The following LEMD1 variants were observed in gnomAD, a reference collection of about 807,000 sequenced individuals.
LEMD1 encodes LEM domain-containing protein 1.
Under a neutral mutation model 17.4 loss-of-function variants are expected in LEMD1, and 18 were observed. The ratio of observed to expected loss-of-function variants is 1.04; its 90% CI spans 0.72 to 1.54. The LOEUF (loss-of-function observed/expected upper bound fraction) is 1.54. LEMD1 is among the 40% of genes most tolerant of loss of function. LEMD1 has a pLI of 0.00. For missense variants in LEMD1, 195 were observed against 210.4 expected (o/e 0.93, Z 0.45); for synonymous variants, 88 against 77.8 (o/e 1.13, Z -0.69).
chr1:205,440,080 A>C (rs1666268126), intron 1 of LEMD1, among the ~76,000 whole-genome samples: 2 of 152,114 alleles, frequency 1.3e-5, no homozygotes, highest in South Asian at 4.1e-4. Context: ...AGGAGAGAAG[A>C]AAAAGGCAGG....
chr1:205,384,267 T>C, intron 5 of LEMD1, 21 bp downstream of exon 5: 1 of 1,388,064 alleles, frequency 7.2e-7, no homozygotes, highest in Non-Finnish European at 9.6e-7. Flanking sequence ...AATTTCCACA[T>C]ATGCTAAAAA....
intron 4 of LEMD1, among the ~76,000 whole-genome samples, chr1:205,391,867 G>A (rs1270663473): frequency 2.0e-5 from 3 of 152,098 alleles, no homozygotes; most frequent in Non-Finnish European, 2.9e-5. Context: ...CAGCACTTTG[G>A]GAGGCCAAGG....
At chr1:205,444,744 G>C (rs891717478) in intron 1 of LEMD1, among the ~76,000 whole-genome samples, 1 of 152,092 alleles carries the variant, frequency 6.6e-6, no homozygotes, top group Non-Finnish European at 1.5e-5. Flanking sequence ...TGGAAGGCTA[G>C]GAAGCTATTT....
chr1:205,395,924 A>G (rs370664187), intron 4 of LEMD1, among the ~76,000 whole-genome samples: 5 of 152,368 alleles, frequency 3.3e-5, no homozygotes, highest in African/African-American at 1.2e-4. Flanking sequence ...AAAAATTGCA[A>G]TAATAAAATA....
upstream of LEMD1, among the ~76,000 whole-genome samples, chr1:205,424,416 T>C (rs1027207099): frequency 3.3e-5 from 5 of 152,222 alleles, no homozygotes; most frequent in African/African-American, 1.2e-4. Flanking sequence ...CTGATCAATT[T>C]CTTTCAAAAA....
chr1:205,408,652 C>A (rs1665241032), intron 4 of LEMD1, among the ~76,000 whole-genome samples: 1 of 151,928 alleles, frequency 6.6e-6, no homozygotes, highest in South Asian at 2.1e-4. Flanking sequence ...TGCACACCAC[C>A]ATGCCCAGCT....
intron 1 of LEMD1, among the ~76,000 whole-genome samples, chr1:205,421,248 T>C (rs1665948249): frequency 1.3e-5 from 2 of 152,280 alleles, no homozygotes; most frequent in East Asian, 3.9e-4. Context: ...TCAAATTCAA[T>C]CAGTTTTATC....
intron 4 of LEMD1, among the ~76,000 whole-genome samples, chr1:205,391,424 C>A (rs1309297995): frequency 6.6e-6 from 1 of 151,676 alleles, no homozygotes; most frequent in African/African-American, 2.4e-5. Flanking sequence ...CCTGGAAACA[C>A]CAAGGGATGC....
chr1:205,384,022 A>G (rs536160398), intron 5 of LEMD1, among the ~76,000 whole-genome samples: 2 of 151,114 alleles, frequency 1.3e-5, no homozygotes, highest in Non-Finnish European at 1.5e-5. Flanking sequence ...AAATGGCTAC[A>G]CATCAGGAGA....
At chr1:205,419,980 G>C (rs896323299) in intron 2 of LEMD1, among the ~76,000 whole-genome samples, 9 of 152,090 alleles carry the variant, frequency 5.9e-5, no homozygotes, top group South Asian at 2.1e-4. Flanking sequence ...CAAAAAAATT[G>C]AACAACATAA....
intron 3 of LEMD1, among the ~76,000 whole-genome samples, chr1:205,418,578 C>T (rs1408783792): frequency 6.6e-6 from 1 of 152,114 alleles, no homozygotes; most frequent in Non-Finnish European, 1.5e-5. Flanking sequence ...TACAGTGGTG[C>T]CATCTTGGCT....
intron 4 of LEMD1, among the ~76,000 whole-genome samples, chr1:205,411,763 C>T (rs939894517): frequency 1.4e-4 from 21 of 152,034 alleles, no homozygotes; most frequent in African/African-American, 4.8e-4. Context: ...GGCCCAGACC[C>T]ACAGAATGTG....
At chr1:205,408,519 G>C (rs1022181912) in intron 4 of LEMD1, among the ~76,000 whole-genome samples, 2 of 65,452 alleles carry the variant, frequency 3.1e-5, no homozygotes, top group African/African-American at 5.6e-5. Context: ...TTTTTTTTTT[G>C]AGACAGGATC....
intron 4 of LEMD1, 79 bp from the exon 5 acceptor site, chr1:205,384,443 A>G (rs1407229183): frequency 1.1e-6 from 1 of 911,732 alleles, no homozygotes; most frequent in African/African-American, 1.7e-5. Flanking sequence ...TATTCTAGAA[A>G]AAGTCACATA....
rs1443942481 is a variant in LEMD1, at chr1:205,381,813, T to C, written c.391A>G (p.Ile131Val). ...GCGCAGTAGTCTCTCTCTTTGGTGA[T>C]AGTCCCATATGTGATTCTGGTGCTT... ...APSTRITYGTITKERDYCAED... is the reference protein window; with the variant it reads ...APSTRITYGTVTKERDYCAED... Residue 131 changes from isoleucine (I) to valine (V), a missense_variant, in exon 6 of 6, where the codon ATC becomes GTC. Physicochemically the swap from Ile to Val is conservative, Grantham distance 29. Transcript: ENST00000367153. 2 of 1,614,158 alleles carry C rather than the reference T, an allele frequency of 1.2e-6. No individual in the cohort carries two copies. Among genetic ancestry groups the C allele is most frequent in the South Asian group, 2.2e-5 (2 of 91,084 alleles).
At chr1:205,419,457 A>G (rs889683709) in intron 2 of LEMD1, 105 bp from the exon 3 acceptor site, 5 of 1,285,342 alleles carry the variant, frequency 3.9e-6, no homozygotes, top group African/African-American at 1.5e-5. Context: ...TAACCCTTAC[A>G]TTATTGGTTA....
intron 1 of LEMD1, among the ~76,000 whole-genome samples, chr1:205,428,701 C>T (rs1027834169): frequency 6.6e-6 from 1 of 152,018 alleles, no homozygotes; most frequent in Non-Finnish European, 1.5e-5. Context: ...GGGAGGCTGG[C>T]AAAGCATGAG....
intron 4 of LEMD1, 86 bp downstream of exon 4, chr1:205,416,146 A>G (rs1312061871): frequency 2.5e-6 from 2 of 794,900 alleles, no homozygotes; most frequent in Non-Finnish European, 4.0e-6. Context: ...GTGACTTGCT[A>G]TCCCCTTTCT....
In LEMD1 at chr1:205,412,217, G is replaced by A. The variant is rs1013190515; in HGVS notation, c.270+4015C>T. The stretch of plus-strand genomic sequence containing the variant: ...AATCAACCCCAAATCCCATTTTCCC[G>A]TTTGGTAGAAGGGCACTTAGAGACT... On this transcript the variant is annotated intron_variant, in intron 4 of 5. Transcript: ENST00000367153. 8.5e-5 allele frequency among the ~76,000 whole-genome samples: 13 copies of A among 152,066 alleles called. No homozygotes were observed. The East Asian group carries it at 1.2e-3, about 14-fold the overall frequency.
Sources: gnomAD v4.1 joint callset for allele counts (sites outside exome capture counted in the v4.1 genomes callset) on GRCh38, gnomAD v4.1.1 for gene constraint, MANE v1.5 for transcripts, NCBI Gene and HGNC (gene_info 2026-07-23, HGNC 2026-07-21) for gene names.